Variants in MAP2K6 observed in about 807,000 individuals in gnomAD.
MAP2K6 encodes mitogen-activated protein kinase kinase 6.
In MAP2K6, 16 loss-of-function variants were observed where a neutral mutation model predicts 53.7. The observed-to-expected ratio is 0.30, with a 90% CI of 0.20 to 0.45. MAP2K6 has a LOEUF of 0.45. MAP2K6 is among the 20% of genes least tolerant of loss of function. The pLI is 1.00. For synonymous variants in MAP2K6, 132 were observed against 143.1 expected, an observed-to-expected ratio of 0.92 and a Z score of 0.55; for missense variants, 204 against 411.9, an observed-to-expected ratio of 0.50 and a Z score of 4.37.
rs1911861448 is a variant in MAP2K6 at position 69,546,008 on chromosome 17, A to C, written c.*4255A>C. ...GCACTCCAGCCTGGGCAACAAGAGC[A>C]AAACTTCATCTCAAAAAAAAAAAAA... is the stretch of plus-strand genomic sequence containing the variant. On this transcript the variant is annotated 3_prime_UTR_variant, in exon 12 of 12. Transcript: ENST00000590474. 1 of 136,342 alleles carries C rather than the reference A, an allele frequency of 7.3e-6. No homozygotes were observed. Among genetic ancestry groups the C allele is most frequent in the Admixed American group, 7.7e-5 (1 of 12,908 alleles). The allele number at this position is 136,342 out of a possible 1,614,324, so 8.4% of individuals were successfully genotyped here.
intron 1 of MAP2K6, among the ~76,000 whole-genome samples, chr17:69,449,541 C>CTTTCTTTCTTTCTTTT (rs1907111290): frequency 1.0e-5 from 1 of 99,472 alleles, no homozygotes; most frequent in South Asian, 3.1e-4. Context: ...GTCTTTCTTT[C>CTTTCTTTCTTTCTTTT]TTTCTTTCTT....
chr17:69,493,386 A>T (rs1426241003), intron 1 of MAP2K6, among the ~76,000 whole-genome samples: 1 of 152,160 alleles, frequency 6.6e-6, no homozygotes, highest in Non-Finnish European at 1.5e-5. Context: ...CAATAATAAT[A>T]ACCTGTTATA....
intron 2 of MAP2K6, 136 bp downstream of exon 2, chr17:69,505,982 C>T (rs1598296342): frequency 1.5e-6 from 1 of 664,924 alleles, no homozygotes; most frequent in East Asian, 2.7e-5. Flanking sequence ...GCTCACTGTT[C>T]TGAGACCTGA....
chr17:69,508,371 T>C (rs1202768387), intron 2 of MAP2K6, among the ~76,000 whole-genome samples: 1 of 152,204 alleles, frequency 6.6e-6, no homozygotes, highest in Non-Finnish European at 1.5e-5. Flanking sequence ...CCAGCCTATA[T>C]GTAGTTTTAA....
At position 69,427,301 on chromosome 17, in the gene MAP2K6, G is replaced by A. The variant is rs151110788; in HGVS notation, c.16+12301G>A. Among the ~76,000 whole-genome samples the A allele has an allele frequency of 1.2e-3, 185 of 152,104 alleles. 2 individuals are homozygous for A. Among genetic ancestry groups the A allele is most frequent in the African/African-American group, 3.9e-3 (160 of 41,488 alleles). Reference sequence around the variant, plus strand: ...AAAATAGTGTTCTGGAAAGTTCTTCGTATTACCAAATTGACTTTCTCAAGC... The same window carrying A: ...AAAATAGTGTTCTGGAAAGTTCTTCATATTACCAAATTGACTTTCTCAAGC... On this transcript the variant is annotated intron_variant, in intron 1 of 11. Transcript: ENST00000590474.
chr17:69,432,789 A>G (rs1003810588), intron 1 of MAP2K6, among the ~76,000 whole-genome samples: 2 of 148,494 alleles, frequency 1.3e-5, no homozygotes, highest in Non-Finnish European at 3.0e-5. Context: ...CGTTCTGCAC[A>G]TGTATCCTGG....
intron 1 of MAP2K6, among the ~76,000 whole-genome samples, chr17:69,451,776 C>T (rs1223693647): frequency 6.6e-6 from 1 of 152,084 alleles, no homozygotes; most frequent in East Asian, 1.9e-4. Context: ...ACAGGCTGCC[C>T]CTGCAGAGGG....
At chr17:69,434,953 A>G (rs1906589974) in intron 1 of MAP2K6, 1 of 152,224 alleles carries the variant, frequency 6.6e-6, no homozygotes, top group Admixed American at 6.5e-5. Flanking sequence ...GAATACAGAG[A>G]TAGGGTACAA....
intron 1 of MAP2K6, among the ~76,000 whole-genome samples, chr17:69,423,197 T>TTAC (rs1906152526): frequency 6.6e-6 from 1 of 152,174 alleles, no homozygotes; most frequent in Non-Finnish European, 1.5e-5. Context: ...CTCAGCTGTT[T>TTAC]TTAAGTATAG....
At chr17:69,443,526 A>G (rs907695124) in intron 1 of MAP2K6, among the ~76,000 whole-genome samples, 10 of 152,182 alleles carry the variant, frequency 6.6e-5, no homozygotes, top group Non-Finnish European at 1.0e-4. Context: ...CGGTTATTCT[A>G]CAGTAGTTCT....
intron 1 of MAP2K6, among the ~76,000 whole-genome samples, chr17:69,417,355 A>G (rs1167211594): frequency 1.3e-5 from 2 of 152,188 alleles, no homozygotes; most frequent in Non-Finnish European, 2.9e-5. Context: ...TGTTCAATTC[A>G]AGGACCTTTA....
intron 1 of MAP2K6, among the ~76,000 whole-genome samples, chr17:69,491,730 GTTATTA>G (rs55714549): frequency 1.3e-4 from 18 of 143,400 alleles, no homozygotes; most frequent in Non-Finnish European, 2.5e-4. Flanking sequence ...GCTGGCATCT[GTTATTA>G]TTATTATTAT....
chr17:69,416,403 T>C (rs1242193296), intron 1 of MAP2K6, among the ~76,000 whole-genome samples: 1 of 152,126 alleles, frequency 6.6e-6, no homozygotes, highest in Non-Finnish European at 1.5e-5. Flanking sequence ...GTTCCTCAAG[T>C]GGGGAAAACC....
At chr17:69,427,153 C>T (rs528749929) in intron 1 of MAP2K6, among the ~76,000 whole-genome samples, 1 of 152,262 alleles carries the variant, frequency 6.6e-6, no homozygotes, top group South Asian at 2.1e-4. Context: ...TTTTTTATAA[C>T]CTGCTAACAT....
chr17:69,451,187 C>A (rs1907213370), intron 1 of MAP2K6, among the ~76,000 whole-genome samples: 1 of 152,184 alleles, frequency 6.6e-6, no homozygotes, highest in Non-Finnish European at 1.5e-5. Flanking sequence ...GTGGTGTGCT[C>A]AAGCTGGCTT....
intron 1 of MAP2K6, among the ~76,000 whole-genome samples, chr17:69,503,861 C>T (rs1234888340): frequency 6.6e-6 from 1 of 152,164 alleles, no homozygotes; most frequent in African/African-American, 2.4e-5. Context: ...GTTACTTCCT[C>T]ATTTTACAAT....
At chr17:69,487,911 C>T (rs907287719) in intron 1 of MAP2K6, among the ~76,000 whole-genome samples, 11 of 152,074 alleles carry the variant, frequency 7.2e-5, no homozygotes, top group Non-Finnish European at 1.5e-5. Flanking sequence ...TTACTGTATG[C>T]AGGAAATATT....
chr17:69,536,226 C>T, intron 11 of MAP2K6, 66 bp downstream of exon 11: 1 of 1,137,528 alleles, frequency 8.8e-7, no homozygotes, highest in Non-Finnish European at 1.3e-6. Context: ...TCACTAAGAC[C>T]TAAATTATCA....
rs114809795 is a variant in MAP2K6 at position 69,432,092 on chromosome 17, C to G, written c.16+17092C>G. On this transcript the variant is annotated intron_variant, in intron 1 of 11. Coordinates refer to ENST00000590474, the MANE Select transcript of MAP2K6 (RefSeq NM_002758.4). ...GAACAGTCAAATGGCTGATGTCATA[C>G]GCAGACTGAAAGGAAATGCATTAAG... 2.8e-3 allele frequency among the ~76,000 whole-genome samples: 422 copies of G among 152,204 alleles called. 1 individual carries two copies. Among genetic ancestry groups the G allele is most frequent in the African/African-American group, 9.4e-3 (389 of 41,522 alleles).
Sources: allele counts gnomAD v4.1 joint callset (sites outside exome capture counted in the v4.1 genomes callset), GRCh38; gene constraint gnomAD v4.1.1; transcripts MANE v1.5; gene names NCBI Gene and HGNC (gene_info 2026-07-23, HGNC 2026-07-21).